The following GRIK2 variants were observed in gnomAD, a reference collection of about 807,000 sequenced individuals.
GRIK2 encodes the protein glutamate receptor ionotropic, kainate 2.
In GRIK2, 32 loss-of-function variants were observed where a neutral mutation model predicts 100.3. The ratio of observed to expected loss-of-function variants is 0.32; its 90% confidence interval spans 0.24 to 0.43. The LOEUF (loss-of-function observed/expected upper bound fraction) is 0.43, where lower values mean the gene tolerates loss of function less well. Ranked by LOEUF, GRIK2 falls within the 20% of genes least tolerant of loss-of-function variation. The pLI, the probability that GRIK2 is intolerant of heterozygous loss-of-function variation, is 1.00. For synonymous variants in GRIK2, 417 were observed against 389.4 expected (o/e 1.07, Z -0.83); for missense variants, 843 against 1,114.9 (o/e 0.76, Z 3.47).
chr6:101,979,381 C>G (rs944139831), intron 14 of GRIK2, among the ~76,000 whole-genome samples: 1 of 151,904 alleles, frequency 6.6e-6, no homozygotes, highest in African/African-American at 2.4e-5. Flanking sequence ...GATATTGAAA[C>G]AAATAGCTAC....
At chr6:102,047,118 T>A (rs1770932702) in intron 15 of GRIK2, among the ~76,000 whole-genome samples, 1 of 151,614 alleles carries the variant, frequency 6.6e-6, no homozygotes, top group Non-Finnish European at 1.5e-5. Context: ...AGAACGAAGA[T>A]CCCAAATAGC....
At chr6:102,059,870 T>A (rs538071229) in intron 16 of GRIK2, among the ~76,000 whole-genome samples, 69 of 150,696 alleles carry the variant, frequency 4.6e-4, no homozygotes, top group African/African-American at 1.5e-3. Context: ...TGTATTTGCT[T>A]ATACAAATTG....
Position 101,399,253 on chromosome 6 carries a change from C to A in GRIK2, c.-25C>A. The A allele has an allele frequency of 1.8e-6, 2 of 1,094,022 alleles. No individual in the cohort carries two copies. The highest frequency in any genetic ancestry group is 2.8e-6 in the Non-Finnish European group (2 of 704,698). 67.8% of individuals were successfully genotyped at this position (1,094,022 alleles called of 1,614,324 possible). On this transcript the variant is annotated 5_prime_UTR_variant, in exon 2 of 17. Transcript: ENST00000369134. ...GAACGCTAGATCGGGGAAGTGGGTG[C>A]CGTGCGTGTGGGCACAGAAACACCA...
Position 101,507,344 on chromosome 6 carries a change from T to C in GRIK2, c.115+107952T>C, listed in dbSNP as rs1774076170. 2.0e-5 allele frequency among the ~76,000 whole-genome samples: 3 copies of C among 152,148 alleles called. No homozygotes were observed. The South Asian group carries it at 6.2e-4, about 31-fold the overall frequency. On this transcript the variant is annotated intron_variant, in intron 2 of 16. Transcript: ENST00000369134. The stretch of plus-strand genomic sequence containing the variant: ...TAGTTTGGGTATTGCCTTAGAGATA[T>C]ATCTATTTGTTGTATGTATGCTTAA...
rs78618572 is a variant in GRIK2 at position 101,439,323 on chromosome 6, G to A, written c.115+39931G>A. On this transcript the variant is annotated intron_variant, in intron 2 of 16. Transcript: ENST00000369134. The stretch of plus-strand genomic sequence containing the variant: ...TCAAAGTAACAGCTTTATGCATAAA[G>A]AGCATCTTGAGGCCTTTACCCTCAG... 6.9e-3 allele frequency among the ~76,000 whole-genome samples: 1,052 copies of A among 152,220 alleles called. 11 individuals carry two copies. Among genetic ancestry groups the A allele is most frequent in the African/African-American group, 0.024 (993 of 41,546 alleles).
intron 14 of GRIK2, among the ~76,000 whole-genome samples, chr6:102,035,064 A>G (rs1248225929): frequency 6.6e-6 from 1 of 151,224 alleles, no homozygotes. Context: ...GCTTTCAGTG[A>G]TTTACTGGGA....
chr6:101,404,234 C>T (rs1043648273), intron 2 of GRIK2, among the ~76,000 whole-genome samples: 7 of 152,190 alleles, frequency 4.6e-5, no homozygotes, highest in Admixed American at 3.9e-4. Flanking sequence ...TCAACATTTA[C>T]TCAGCACGGG....
chr6:101,793,974 A>G (rs1251349417), intron 7 of GRIK2, among the ~76,000 whole-genome samples: 1 of 152,106 alleles, frequency 6.6e-6, no homozygotes, highest in East Asian at 1.9e-4. Flanking sequence ...CTTCTGTGCT[A>G]GCAATCAGCG....
chr6:101,687,114 T>C (rs1771754735), intron 7 of GRIK2, among the ~76,000 whole-genome samples: 1 of 152,098 alleles, frequency 6.6e-6, no homozygotes, highest in African/African-American at 2.4e-5. Context: ...TCAGACATTT[T>C]ATATTTTTTA....
intron 4 of GRIK2, among the ~76,000 whole-genome samples, chr6:101,675,074 G>T (rs138396557): frequency 6.6e-6 from 1 of 152,042 alleles, no homozygotes; most frequent in South Asian, 2.1e-4. Context: ...AAACCTTATT[G>T]TTAACTATAG....
intron 2 of GRIK2, among the ~76,000 whole-genome samples, chr6:101,543,405 G>A (rs1776096561): frequency 6.6e-6 from 1 of 152,162 alleles, no homozygotes; most frequent in African/African-American, 2.4e-5. Context: ...GTGGGCAATA[G>A]TTTTGGCCAA....
intron 2 of GRIK2, among the ~76,000 whole-genome samples, chr6:101,432,567 A>G (rs1043240845): frequency 1.3e-5 from 2 of 152,226 alleles, no homozygotes; most frequent in African/African-American, 4.8e-5. Context: ...AATCTACAGG[A>G]GGAGATTGAT....
At chr6:101,582,559 T>A (rs912880817) in intron 2 of GRIK2, among the ~76,000 whole-genome samples, 4 of 152,150 alleles carry the variant, frequency 2.6e-5, no homozygotes, top group Non-Finnish European at 5.9e-5. Context: ...CTTTTCTTTA[T>A]AAATTATGCA....
At position 101,560,749 on chromosome 6, in the gene GRIK2, A is replaced by G. The variant is rs1562226754; in HGVS notation, c.116-61200A>G. On this transcript the variant is annotated intron_variant, in intron 2 of 16. Transcript: ENST00000369134. ...TCCTTTCAAAGCAAAGAAAAAAAAC[A>G]AAATCATAAATGGAAAAAATACCTC... Among the ~76,000 whole-genome samples, 3 of 151,310 alleles carry G rather than the reference A, an allele frequency of 2.0e-5. No individual in the cohort carries two copies. The South Asian group carries it at 6.2e-4, about 31-fold the overall frequency.
intron 13 of GRIK2, among the ~76,000 whole-genome samples, chr6:101,925,174 A>T (rs1316981896): frequency 6.6e-6 from 1 of 152,158 alleles, no homozygotes; most frequent in East Asian, 1.9e-4. Context: ...TACTGCCTAT[A>T]AATTTGAAGA....
intron 10 of GRIK2, among the ~76,000 whole-genome samples, chr6:101,856,420 G>C (rs1339366795): frequency 6.6e-6 from 1 of 152,150 alleles, no homozygotes; most frequent in Non-Finnish European, 1.5e-5. Flanking sequence ...AGTGCTATTG[G>C]ATACGTGTGC....
intron 2 of GRIK2, among the ~76,000 whole-genome samples, chr6:101,545,263 C>T (rs576624624): frequency 6.6e-6 from 1 of 152,214 alleles, no homozygotes; most frequent in African/African-American, 2.4e-5. Flanking sequence ...TTATCTACCT[C>T]CGAGGTGTAT....
intron 13 of GRIK2, among the ~76,000 whole-genome samples, chr6:101,926,246 G>A (rs12201098): frequency 5.8e-4 from 77 of 133,110 alleles, no homozygotes; most frequent in Non-Finnish European, 1.0e-3. Context: ...ACCCTTAGAA[G>A]ACATTATTGT....
intron 11 of GRIK2, among the ~76,000 whole-genome samples, chr6:101,872,242 T>G (rs746853234): frequency 6.6e-6 from 1 of 151,970 alleles, no homozygotes; most frequent in African/African-American, 2.4e-5. Flanking sequence ...TATTAGTCCA[T>G]TCTCACAGTG....
Sources: gnomAD v4.1 joint callset for allele counts (sites outside exome capture counted in the v4.1 genomes callset) on GRCh38, gnomAD v4.1.1 for gene constraint, MANE v1.5 for transcripts, NCBI Gene and HGNC (gene_info 2026-07-23, HGNC 2026-07-21) for gene names.